CNTNAP2: variants seen among roughly 807,000 people sequenced by gnomAD.
The protein encoded by CNTNAP2 is contactin-associated protein-like 2.
Under a neutral mutation model 155.2 loss-of-function variants are expected in CNTNAP2, and 98 were observed. That is an observed-to-expected ratio of 0.63 (90% confidence interval 0.54 to 0.75). The LOEUF (loss-of-function observed/expected upper bound fraction) is 0.75. Ranked by LOEUF, CNTNAP2 falls within the 30% of genes least tolerant of loss-of-function variation. CNTNAP2 has a pLI of 0.00. For synonymous variants in CNTNAP2, 651 were observed against 631.2 expected (o/e 1.03, Z -0.47); for missense variants, 1,727 against 1,688.1 (o/e 1.02, Z -0.40).
At chr7:147,124,741 T>C (rs1025025948) in intron 6 of CNTNAP2, among the ~76,000 whole-genome samples, 2 of 152,064 alleles carry the variant, frequency 1.3e-5, no homozygotes, top group African/African-American at 4.8e-5. Context: ...CCAGTATGAG[T>C]GGGATTCAGC....
chr7:148,351,449 A>C (rs1055224053), intron 21 of CNTNAP2, among the ~76,000 whole-genome samples: 2 of 151,998 alleles, frequency 1.3e-5, no homozygotes, highest in East Asian at 1.9e-4. Flanking sequence ...TGGCTGCTAT[A>C]ATAGAGAAAC....
rs543049046 is a variant in CNTNAP2, at chr7:146,575,349, T to C, written c.98-198922T>C. ...CCAGGCTGGTCTCAAACTCTTGACC[T>C]TGTGATCCACCCGCCTCAGCCTCCC... On this transcript the variant is annotated intron_variant, in intron 1 of 23. Coordinates refer to ENST00000361727, the MANE Select transcript of CNTNAP2 (RefSeq NM_014141.6). Among the ~76,000 whole-genome samples, 177 of 152,238 alleles carry C rather than the reference T, an allele frequency of 1.2e-3. 1 individual carries two copies. The highest frequency in any genetic ancestry group is 2.6e-4 in the Non-Finnish European group (18 of 68,006).
intron 3 of CNTNAP2, among the ~76,000 whole-genome samples, chr7:146,925,434 A>C (rs1796587874): frequency 6.6e-6 from 1 of 152,166 alleles, no homozygotes; most frequent in Non-Finnish European, 1.5e-5. Flanking sequence ...AAGAAGAGCA[A>C]GGTGACAAAA....
chr7:146,929,141 G>A (rs1035347929), intron 3 of CNTNAP2, among the ~76,000 whole-genome samples: 4 of 152,214 alleles, frequency 2.6e-5, no homozygotes, highest in Non-Finnish European at 4.4e-5. Context: ...CTCCTCAAGT[G>A]GGTCCCTGAC....
At chr7:147,433,863 A>C (rs922047625) in intron 10 of CNTNAP2, among the ~76,000 whole-genome samples, 2 of 152,382 alleles carry the variant, frequency 1.3e-5, no homozygotes, top group East Asian at 3.9e-4. Flanking sequence ...TGGTAGGAAC[A>C]ATGACAAAAT....
At chr7:147,408,081 C>T (rs1032750482) in intron 10 of CNTNAP2, among the ~76,000 whole-genome samples, 9 of 152,128 alleles carry the variant, frequency 5.9e-5, no homozygotes, top group African/African-American at 2.2e-4. Flanking sequence ...ACCATGTGTC[C>T]AAGGACAGTT....
At chr7:147,982,168 A>G (rs753148628) in intron 15 of CNTNAP2, among the ~76,000 whole-genome samples, 71 of 152,300 alleles carry the variant, frequency 4.7e-4, no homozygotes, top group Non-Finnish European at 5.7e-4. Context: ...AATATAATTA[A>G]TTGTAGGAAT....
chr7:148,096,298 TGTGTG>T (rs1413100628), intron 15 of CNTNAP2, among the ~76,000 whole-genome samples: 1 of 151,868 alleles, frequency 6.6e-6, no homozygotes, highest in African/African-American at 2.4e-5. Context: ...TGTGTGTGTG[TGTGTG>T]TGTGTGTGTG....
chr7:147,132,539 T>C (rs1421044481), intron 8 of CNTNAP2, 30 bp downstream of exon 8: 17 of 1,612,784 alleles, frequency 1.1e-5, no homozygotes, highest in Non-Finnish European at 1.4e-5. Context: ...CATTTGTTCC[T>C]GAAACTTATT....
intron 12 of CNTNAP2, among the ~76,000 whole-genome samples, chr7:147,568,121 T>C (rs1800212052): frequency 6.6e-6 from 1 of 151,912 alleles, no homozygotes; most frequent in African/African-American, 2.4e-5. Context: ...AAAATCTTTG[T>C]CTCGGGTTTC....
intron 15 of CNTNAP2, among the ~76,000 whole-genome samples, chr7:148,008,873 C>G (rs1802023232): frequency 6.6e-6 from 1 of 152,172 alleles, no homozygotes; most frequent in Non-Finnish European, 1.5e-5. Context: ...TTCTCGTGTC[C>G]AGTTTTGTAA....
chr7:148,331,710 A>AATG (rs1798021118), intron 21 of CNTNAP2, among the ~76,000 whole-genome samples: 1 of 150,916 alleles, frequency 6.6e-6, no homozygotes, highest in Non-Finnish European at 1.5e-5. Context: ...GGATGGATGG[A>AATG]GTGGACGGAT....
At chr7:148,177,105 G>A (rs1190281158) in intron 18 of CNTNAP2, among the ~76,000 whole-genome samples, 4 of 152,144 alleles carry the variant, frequency 2.6e-5, no homozygotes, top group African/African-American at 9.7e-5. Flanking sequence ...TATAGTAGAG[G>A]CAGCAATTTC....
chr7:147,004,149 CA>C (rs1232041398), intron 3 of CNTNAP2, among the ~76,000 whole-genome samples: 1 of 101,668 alleles, frequency 9.8e-6, no homozygotes, highest in African/African-American at 4.2e-5. Context: ...GTTAGATGTA[CA>C]AAAAACTATT....
chr7:148,147,245 G>C (rs778720592), intron 16 of CNTNAP2, among the ~76,000 whole-genome samples: 5 of 152,068 alleles, frequency 3.3e-5, no homozygotes, highest in Non-Finnish European at 5.9e-5. Context: ...ATCTTGGAAG[G>C]CTTCTAAAAT....
intron 1 of CNTNAP2, among the ~76,000 whole-genome samples, chr7:146,683,248 G>A (rs2129170239): frequency 6.6e-6 from 1 of 152,172 alleles, no homozygotes; most frequent in South Asian, 2.1e-4. Flanking sequence ...GGCCAGGCTG[G>A]TCTCAACCTC....
intron 1 of CNTNAP2, among the ~76,000 whole-genome samples, chr7:146,456,056 A>T (rs74944263): frequency 0.027 from 4,173 of 151,880 alleles, 138 homozygotes; most frequent in African/African-American, 0.074. Flanking sequence ...GTTTTTTCTT[A>T]AAAAAAAGGG....
At chr7:147,593,098 T>C (rs1224486424) in intron 12 of CNTNAP2, among the ~76,000 whole-genome samples, 2 of 152,062 alleles carry the variant, frequency 1.3e-5, no homozygotes, top group Non-Finnish European at 2.9e-5. Flanking sequence ...AACATTACCC[T>C]TGAGGCAACC....
intron 21 of CNTNAP2, among the ~76,000 whole-genome samples, chr7:148,349,972 T>G (rs539438769): frequency 6.6e-6 from 1 of 152,280 alleles, no homozygotes; most frequent in Admixed American, 6.5e-5. Flanking sequence ...GTTTGAAGTT[T>G]ATTATGAGTT....
Sources: allele counts gnomAD v4.1 joint callset (sites outside exome capture counted in the v4.1 genomes callset), GRCh38; gene constraint gnomAD v4.1.1; transcripts MANE v1.5; gene names NCBI Gene and HGNC (gene_info 2026-07-23, HGNC 2026-07-21).